Variants in SDK1 observed in about 807,000 individuals in gnomAD.
SDK1 encodes sidekick cell adhesion molecule 1, also known as protein sidekick-1.
Under a neutral mutation model 245.5 loss-of-function variants are expected in SDK1, and 157 were observed. The observed-to-expected ratio is 0.64, with a 90% CI of 0.56 to 0.73. SDK1 has a LOEUF of 0.73. Among genes scored for constraint, SDK1 ranks in the 30% least tolerant of loss-of-function variants. SDK1 has a pLI of 0.00. For synonymous variants in SDK1, 1,647 were observed against 1,278.5 expected, an observed-to-expected ratio of 1.29 and a Z score of -6.15; for missense variants, 3,583 against 3,002.3, an observed-to-expected ratio of 1.19 and a Z score of -4.52.
intron 5 of SDK1, among the ~76,000 whole-genome samples, chr7:3,892,171 G>C (rs1436718406): frequency 6.6e-6 from 1 of 152,150 alleles, no homozygotes; most frequent in African/African-American, 2.4e-5. Context: ...TCAGGTTTTT[G>C]TAATGGCAGC....
intron 1 of SDK1, among the ~76,000 whole-genome samples, chr7:3,576,931 C>T (rs1780311332): frequency 6.6e-6 from 1 of 152,000 alleles, no homozygotes; most frequent in Non-Finnish European, 1.5e-5. Flanking sequence ...GCTGGTCGGG[C>T]ACCTGAAGAA....
At chr7:3,346,065 G>C (rs573159354) in intron 1 of SDK1, among the ~76,000 whole-genome samples, 1 of 152,286 alleles carries the variant, frequency 6.6e-6, no homozygotes, top group South Asian at 2.1e-4. Context: ...TAATTTTTAA[G>C]ATTTAGAGTC....
chr7:3,845,488 C>CAAAAAAAAAA, intron 5 of SDK1, among the ~76,000 whole-genome samples: 1 of 40,196 alleles, frequency 2.5e-5, no homozygotes, highest in Non-Finnish European at 5.1e-5. Flanking sequence ...GACTCCGTCT[C>CAAAAAAAAAA]AAAAAAAAAA....
intron 1 of SDK1, among the ~76,000 whole-genome samples, chr7:3,317,468 G>C (rs1779691371): frequency 6.6e-6 from 1 of 152,030 alleles, no homozygotes; most frequent in African/African-American, 2.4e-5. Context: ...AGATGATTCT[G>C]CCCCTTCATC....
At chr7:3,837,237 C>T (rs946430857) in intron 5 of SDK1, among the ~76,000 whole-genome samples, 3 of 152,102 alleles carry the variant, frequency 2.0e-5, no homozygotes, top group Non-Finnish European at 4.4e-5. Context: ...TCAGAAGACC[C>T]GACTAGACAT....
chr7:4,061,709 AT>A (rs778837537), intron 19 of SDK1, among the ~76,000 whole-genome samples: 1 of 152,144 alleles, frequency 6.6e-6, no homozygotes, highest in Non-Finnish European at 1.5e-5. Context: ...ACTATTCACA[AT>A]AGCAAAGACT....
At position 3,852,706 on chromosome 7, in the gene SDK1, G is replaced by T. The variant is rs557599153; in HGVS notation, c.847+31123G>T. On this transcript the variant is annotated intron_variant, in intron 5 of 44. Transcript: ENST00000404826. The stretch of plus-strand genomic sequence containing the variant: ...GCAGAGGTTGCAGTGAGCCGAGATC[G>T]CGCCACTGCACTCCAGCCTGGGAGA... Among the ~76,000 whole-genome samples the T allele has an allele frequency of 2.0e-4, 27 of 132,992 alleles. 2 individuals carry two copies. The South Asian group carries it at 5.9e-3, about 29-fold the overall frequency. 87.2% of individuals were successfully genotyped at this position (132,992 alleles called of 152,430 possible).
At chr7:3,313,074 C>G (rs190899657) in intron 1 of SDK1, among the ~76,000 whole-genome samples, 363 of 152,212 alleles carry the variant, frequency 2.4e-3, no homozygotes, top group Non-Finnish European at 3.6e-3. Context: ...CCACTACCAA[C>G]CTAGAATTCC....
At chr7:3,850,044 C>T (rs1780379145) in intron 5 of SDK1, among the ~76,000 whole-genome samples, 1 of 152,212 alleles carries the variant, frequency 6.6e-6, no homozygotes, top group African/African-American at 2.4e-5. Flanking sequence ...AGTTATGTAA[C>T]ATCAGTCAAA....
chr7:3,510,443 G>GA (rs934877248), intron 1 of SDK1, among the ~76,000 whole-genome samples: 1 of 152,142 alleles, frequency 6.6e-6, no homozygotes, highest in African/African-American at 2.4e-5. Context: ...AAGGGTCTCT[G>GA]AAAAATCACT....
chr7:3,460,565 C>T (rs1264653206), intron 1 of SDK1, among the ~76,000 whole-genome samples: 1 of 152,054 alleles, frequency 6.6e-6, no homozygotes, highest in East Asian at 1.9e-4. Flanking sequence ...TTATTTACAC[C>T]AAAATCTCAT....
intron 1 of SDK1, among the ~76,000 whole-genome samples, chr7:3,330,684 A>T (rs185173087): frequency 6.6e-6 from 1 of 152,142 alleles, no homozygotes; most frequent in East Asian, 1.9e-4. Context: ...TGAATTACCC[A>T]GTCTAGGGCT....
intron 1 of SDK1, among the ~76,000 whole-genome samples, chr7:3,406,457 A>G (rs190196582): frequency 5.3e-5 from 8 of 152,248 alleles, no homozygotes; most frequent in East Asian, 3.9e-4. Context: ...GGCTTGGCAT[A>G]TGATTGTCAA....
chr7:3,936,719 G>A (rs1237490109), intron 5 of SDK1, among the ~76,000 whole-genome samples: 1 of 152,166 alleles, frequency 6.6e-6, no homozygotes, highest in Non-Finnish European at 1.5e-5. Context: ...AACCCCAATG[G>A]GGGGAAAAAA....
intron 1 of SDK1, among the ~76,000 whole-genome samples, chr7:3,375,503 C>T (rs1017230879): frequency 1.8e-4 from 28 of 152,272 alleles, no homozygotes; most frequent in Non-Finnish European, 3.8e-4. Context: ...TAGGGCTGAC[C>T]TGTGTAACCA....
chr7:4,178,426 T>C (rs1782383833), intron 34 of SDK1, 59 bp from the exon 35 acceptor site: 4 of 1,291,196 alleles, frequency 3.1e-6, no homozygotes, highest in African/African-American at 1.5e-5. Context: ...AGGGGGAACT[T>C]TGGAGAAAGA....
chr7:4,256,962 T>C (rs1787673835), intron 44 of SDK1, among the ~76,000 whole-genome samples: 1 of 152,040 alleles, frequency 6.6e-6, no homozygotes, highest in African/African-American at 2.4e-5. Flanking sequence ...TCGGAGGTGC[T>C]CCTCTGAATT....
At chr7:3,824,181 A>T (rs960940194) in intron 5 of SDK1, among the ~76,000 whole-genome samples, 1 of 152,110 alleles carries the variant, frequency 6.6e-6, no homozygotes, top group African/African-American at 2.4e-5. Flanking sequence ...ATTTATTATG[A>T]AATTAGATAT....
chr7:4,176,786 G>T (rs117889891), intron 34 of SDK1, among the ~76,000 whole-genome samples: 1 of 152,152 alleles, frequency 6.6e-6, no homozygotes, highest in Non-Finnish European at 1.5e-5. Flanking sequence ...CGTCTTCAAG[G>T]TCCAAGCACG....
Sources: allele counts gnomAD v4.1 joint callset (sites outside exome capture counted in the v4.1 genomes callset), GRCh38; gene constraint gnomAD v4.1.1; transcripts MANE v1.5; gene names NCBI Gene and HGNC (gene_info 2026-07-23, HGNC 2026-07-21).